MAMLD1: variants seen among roughly 807,000 people sequenced by gnomAD.
The protein encoded by MAMLD1 is mastermind like domain containing 1.
MAMLD1 carries 14 observed loss-of-function variants against 45.0 expected under a neutral mutation model. The ratio of observed to expected loss-of-function variants is 0.31; its 90% CI spans 0.21 to 0.49. The LOEUF (loss-of-function observed/expected upper bound fraction) is 0.49. MAMLD1 is among the 20% of genes least tolerant of loss of function. The pLI is 0.99. For missense variants in MAMLD1, 543 were observed against 603.6 expected (o/e 0.90, Z 1.05); for synonymous variants, 254 against 247.8 (o/e 1.02, Z -0.24).
chrX:150,390,260 C>T (rs1306307227), intron 1 of MAMLD1, among the ~76,000 whole-genome samples: 2 of 111,593 alleles, frequency 1.8e-5, no homozygotes, highest in Non-Finnish European at 3.8e-5. Context: ...CTCTGCCAAC[C>T]TCTGTCTTTA....
chrX:150,511,465 A>G (rs782348906), intron 7 of MAMLD1, among the ~76,000 whole-genome samples: 3 of 111,917 alleles, frequency 2.7e-5, no homozygotes, highest in South Asian at 3.8e-4. Context: ...CATCTAGGCT[A>G]TGAGACAAGA....
At chrX:150,495,691 G>A (rs1289903949) in intron 5 of MAMLD1, among the ~76,000 whole-genome samples, 1 of 112,275 alleles carries the variant, frequency 8.9e-6, no homozygotes, top group African/African-American at 3.2e-5. Context: ...AGTCAGAGAG[G>A]GGATTCAGAG....
Position 150,512,790 on chromosome X carries a change from G to T in MAMLD1, c.*831G>T. On this transcript the variant is annotated 3_prime_UTR_variant, in exon 8 of 8. Transcript: ENST00000370401. Reference sequence around the variant, plus strand: ...GCTGCTGCTTCTGCCGTTGCTGCCAGCCAGTTCCCAGGTCCGTTCGACAGA... The same window carrying T: ...GCTGCTGCTTCTGCCGTTGCTGCCATCCAGTTCCCAGGTCCGTTCGACAGA... The T allele has an allele frequency of 1.7e-6, 2 of 1,155,701 alleles. No homozygotes were observed. Among genetic ancestry groups the T allele is most frequent in the South Asian group, 3.8e-5 (2 of 52,747 alleles).
intron 1 of MAMLD1, among the ~76,000 whole-genome samples, chrX:150,399,081 T>C (rs1345219253): frequency 8.9e-6 from 1 of 112,051 alleles, no homozygotes; most frequent in Non-Finnish European, 1.9e-5. Context: ...GCAAGGAAGA[T>C]GGTCAGAGCA....
chrX:150,482,031 A>G (rs1557407347), intron 5 of MAMLD1, among the ~76,000 whole-genome samples: 1 of 107,696 alleles, frequency 9.3e-6, no homozygotes, highest in Non-Finnish European at 1.9e-5. Context: ...AAAGAAAGAA[A>G]GAATTGAAAG....
At position 150,512,065 on chromosome X, in the gene MAMLD1, G is replaced by A; in HGVS notation, c.*106G>A. On this transcript the variant is annotated 3_prime_UTR_variant, in exon 8 of 8. Coordinates refer to ENST00000370401, the MANE Select transcript of MAMLD1 (RefSeq NM_005491.5). ...TCAAGGCAAGCCCCCCATCTAGCAA[G>A]CACTTGATGCCACCCAGAACTGGGC... The A allele has an allele frequency of 8.9e-7, 1 of 1,129,919 alleles. No homozygotes were observed. The highest frequency in any genetic ancestry group is 1.2e-6 in the Non-Finnish European group (1 of 858,611). 93.1% of individuals were successfully genotyped at this position (1,129,919 alleles called of 1,213,427 possible). A position where few individuals can be genotyped will look rare whatever the true frequency, so the allele number is the denominator to read the frequency against.
At chrX:150,497,986 C>T (rs1042789571) in intron 5 of MAMLD1, among the ~76,000 whole-genome samples, 11 of 111,280 alleles carry the variant, frequency 9.9e-5, no homozygotes, top group African/African-American at 3.6e-4. Context: ...GTACCTCCTT[C>T]ATAGGATTGT....
intron 3 of MAMLD1, 97 bp from the exon 4 acceptor site, chrX:150,469,648 T>G: frequency 1.7e-6 from 1 of 576,800 alleles, no homozygotes. Context: ...TCTCTCTCTC[T>G]CTCTCTCTGT....
chrX:150,381,927 C>G (rs1478159352), intron 1 of MAMLD1, among the ~76,000 whole-genome samples: 1 of 110,621 alleles, frequency 9.0e-6, no homozygotes, highest in Non-Finnish European at 1.9e-5. Context: ...ATTCTAGATA[C>G]TTGTATTTTG....
intron 5 of MAMLD1, among the ~76,000 whole-genome samples, chrX:150,497,709 C>T (rs782416453): frequency 8.9e-6 from 1 of 111,780 alleles, no homozygotes; most frequent in Non-Finnish European, 1.9e-5. Flanking sequence ...GAAGAGGACA[C>T]CTGGGTCTCA....
chrX:150,466,629 C>T (rs1484104864), intron 3 of MAMLD1, among the ~76,000 whole-genome samples: 7 of 112,382 alleles, frequency 6.2e-5, no homozygotes, highest in Non-Finnish European at 9.4e-5. Context: ...CCAGCAGTGG[C>T]GGCCTGCTGG....
At chrX:150,488,028 T>C (rs1386379517) in intron 5 of MAMLD1, among the ~76,000 whole-genome samples, 1 of 112,936 alleles carries the variant, frequency 8.9e-6, no homozygotes, top group African/African-American at 3.2e-5. Context: ...TGTATGATTA[T>C]GCATGCTCCA....
chrX:150,450,155 AG>A (rs1170439295), intron 2 of MAMLD1, among the ~76,000 whole-genome samples: 2 of 112,026 alleles, frequency 1.8e-5, no homozygotes, highest in African/African-American at 6.5e-5. Flanking sequence ...GCCCATAAAC[AG>A]GTAAAGAGTA....
At chrX:150,386,060 A>G (rs900377082) in intron 1 of MAMLD1, among the ~76,000 whole-genome samples, 7 of 109,165 alleles carry the variant, frequency 6.4e-5, no homozygotes, top group Non-Finnish European at 1.1e-4. Context: ...TATTAGCTCT[A>G]TAATTTCTCC....
intron 7 of MAMLD1, among the ~76,000 whole-genome samples, chrX:150,510,378 T>G (rs1367521025): frequency 1.8e-5 from 2 of 111,664 alleles, no homozygotes; most frequent in Non-Finnish European, 3.8e-5. Flanking sequence ...AGGGCTCTGA[T>G]CCTGCCCTTC....
chrX:150,395,424 A>G (rs782804344), intron 1 of MAMLD1, among the ~76,000 whole-genome samples: 1 of 111,074 alleles, frequency 9.0e-6, no homozygotes, highest in South Asian at 3.8e-4. Context: ...TGGTTTTTGT[A>G]TTAGGGTGTT....
chrX:150,386,977 A>G (rs1056135475), intron 1 of MAMLD1, among the ~76,000 whole-genome samples: 1 of 111,368 alleles, frequency 9.0e-6, no homozygotes. Flanking sequence ...TTACTCAAAA[A>G]TTTTCAGCAT....
At position 150,508,677 on chromosome X, in the gene MAMLD1, C is replaced by A. The variant is rs146461666; in HGVS notation, c.2285-1285C>A. Among the ~76,000 whole-genome samples, 623 of 112,681 alleles carry A rather than the reference C, an allele frequency of 5.5e-3. 4 individuals carry two copies. Among genetic ancestry groups the A allele is most frequent in the African/African-American group, 0.019 (592 of 31,057 alleles). ...GCTACCCCGCCCCACTCCCACCAGC[C>A]CCACTGAGTGCAGAGAAGGGTTCCC... On this transcript the variant is annotated intron_variant, in intron 6 of 7. Coordinates refer to ENST00000370401, the MANE Select transcript of MAMLD1 (RefSeq NM_005491.5).
chrX:150,416,458 T>A, intron 1 of MAMLD1, among the ~76,000 whole-genome samples: 1 of 112,336 alleles, frequency 8.9e-6, no homozygotes, highest in South Asian at 3.7e-4. Context: ...CTTCCAGCTC[T>A]CTTAGAAGCC....
Sources: gnomAD v4.1 joint callset for allele counts (sites outside exome capture counted in the v4.1 genomes callset) on GRCh38, gnomAD v4.1.1 for gene constraint, MANE v1.5 for transcripts, NCBI Gene and HGNC (gene_info 2026-07-23, HGNC 2026-07-21) for gene names.